The following GALNT9 variants were observed in gnomAD, a reference collection of about 807,000 sequenced individuals.
GALNT9 encodes GalNAc transferase 9.
In GALNT9, 47 loss-of-function variants were observed where a neutral mutation model predicts 63.1. The ratio of observed to expected loss-of-function variants is 0.75; its 90% CI spans 0.59 to 0.95. The LOEUF (loss-of-function observed/expected upper bound fraction) is 0.95. Among genes scored for constraint, GALNT9 ranks in the 40% least tolerant of loss-of-function variants. The probability of loss-of-function intolerance (pLI) is 0.00; values close to 1 mark genes in which losing one functional copy is unlikely to be tolerated. For synonymous variants in GALNT9, 396 were observed against 365.7 expected (o/e 1.08, Z -0.94); for missense variants, 829 against 874.8 (o/e 0.95, Z 0.66).
intron 1 of GALNT9, among the ~76,000 whole-genome samples, chr12:132,308,887 G>A (rs1442446487): frequency 4.0e-5 from 6 of 151,400 alleles, no homozygotes; most frequent in Non-Finnish European, 7.4e-5. Context: ...CGGGATGGCC[G>A]CACTCACGCC....
rs1878961405 is a variant in GALNT9 at position 132,252,506 on chromosome 12, G to A, written c.960-4479C>T. ...GTGTTCTCCCCGTGTGCAGAGACAA[G>A]AGATTGTCAGAAATAAAGACACAAG... On this transcript the variant is annotated intron_variant, in intron 5 of 10. Transcript: ENST00000328957. The surrounding 1 kb of genome is among the most constrained non-coding windows in gnomAD (Gnocchi z 5.2). Among the ~76,000 whole-genome samples, 1 of 152,208 alleles carries A rather than the reference G, an allele frequency of 6.6e-6. No homozygotes were observed. Among genetic ancestry groups the A allele is most frequent in the African/African-American group, 2.4e-5 (1 of 41,454 alleles).
At chr12:132,230,603 G>C (rs1877854172) in intron 6 of GALNT9, among the ~76,000 whole-genome samples, 1 of 149,562 alleles carries the variant, frequency 6.7e-6, no homozygotes, top group South Asian at 2.1e-4. Flanking sequence ...GGCCCTCGTG[G>C]CGGGGAAGTC....
At chr12:132,228,174 A>G (rs1877764754) in intron 6 of GALNT9, among the ~76,000 whole-genome samples, 1 of 152,026 alleles carries the variant, frequency 6.6e-6, no homozygotes. Context: ...ACAGGGCTTC[A>G]GTCTCTCTCC....
At position 132,265,647 on chromosome 12, in the gene GALNT9, G is replaced by A. The variant is rs1305029852; in HGVS notation, c.420-3022C>T. The stretch of plus-strand genomic sequence containing the variant: ...CCAGCCGACAGCCGGATGCTTACAA[G>A]TTCCTGATGCCCGGTACAGGCCCGG... On this transcript the variant is annotated intron_variant, in intron 2 of 10. Transcript: ENST00000328957. The surrounding 1 kb of genome is among the most constrained non-coding windows in gnomAD (Gnocchi z 5.3). Among the ~76,000 whole-genome samples, 1 of 152,162 alleles carries A rather than the reference G, an allele frequency of 6.6e-6. No individual in the cohort carries two copies. Among genetic ancestry groups the A allele is most frequent in the Non-Finnish European group, 1.5e-5 (1 of 68,032 alleles).
chr12:132,212,144 A>AG (rs1876980615), intron 6 of GALNT9, among the ~76,000 whole-genome samples: 6 of 121,118 alleles, frequency 5.0e-5, no homozygotes, highest in East Asian at 2.6e-4. Flanking sequence ...ACCCGGGTCT[A>AG]CAGCCTTCAC....
Position 132,286,237 on chromosome 12 carries a change from G to GTCAC in GALNT9, c.419+9_419+12dup. The GTCAC allele has an allele frequency of 6.5e-7, 1 of 1,545,174 alleles. No individual in the cohort carries two copies. Among genetic ancestry groups the GTCAC allele is most frequent in the Non-Finnish European group, 8.8e-7 (1 of 1,142,830 alleles). ...GGCGGGCGTCGGGGGATGGGGGGCAGTCACTCACTCACTTTCTGGGCCGGT... is the reference window on the plus strand; with the variant it reads ...GGCGGGCGTCGGGGGATGGGGGGCAGTCACTCACTCACTCACTTTCTGGGCCGGT... On this transcript the variant is annotated intron_variant, in intron 2 of 10. Transcript: ENST00000328957. The surrounding 1 kb of genome is among the most constrained non-coding windows in gnomAD (Gnocchi z 7.4).
At chr12:132,200,283 C>T (rs1166934163) in intron 8 of GALNT9, among the ~76,000 whole-genome samples, 1 of 152,184 alleles carries the variant, frequency 6.6e-6, no homozygotes, top group Non-Finnish European at 1.5e-5. Context: ...GGCACCCCAT[C>T]CCCTGCACAG....
chr12:132,305,006 T>C (rs146077714), intron 1 of GALNT9, among the ~76,000 whole-genome samples: 312 of 2,954 alleles, frequency 0.11, no homozygotes, highest in Admixed American at 0.12. Context: ...CCCGGGCACA[T>C]CCTCACCGGG....
chr12:132,239,133 G>C (rs1265572076), intron 6 of GALNT9, among the ~76,000 whole-genome samples: 1 of 151,934 alleles, frequency 6.6e-6, no homozygotes, highest in Admixed American at 6.6e-5. Context: ...TCTTCATGTG[G>C]GGGTGGGGGC....
At chr12:132,214,754 C>G (rs1877115814) in intron 6 of GALNT9, among the ~76,000 whole-genome samples, 1 of 152,218 alleles carries the variant, frequency 6.6e-6, no homozygotes, top group African/African-American at 2.4e-5. Flanking sequence ...AACCATCTCA[C>G]CAATGGCCAT....
intron 10 of GALNT9, among the ~76,000 whole-genome samples, chr12:132,197,576 C>T (rs944337262): frequency 6.6e-6 from 1 of 152,330 alleles, no homozygotes; most frequent in African/African-American, 2.4e-5. Flanking sequence ...TCCAGCCCGA[C>T]CCCTCTCTGG....
intron 1 of GALNT9, among the ~76,000 whole-genome samples, chr12:132,328,363 A>G (rs1869134140): frequency 1.3e-5 from 2 of 152,204 alleles, no homozygotes; most frequent in East Asian, 3.9e-4. Flanking sequence ...CCTCAACTCC[A>G]TCCTCCCAGG....
At chr12:132,280,534 C>A (rs1408864977) in intron 2 of GALNT9, 1 of 152,244 alleles carries the variant, frequency 6.6e-6, no homozygotes, top group Non-Finnish European at 1.5e-5. Context: ...CTTCTGAGAG[C>A]GGTTAGGGGA....
rs371504074 is a variant in GALNT9, at chr12:132,199,211, C to T, written c.1460G>A (p.Arg487Gln). 2.4e-5 allele frequency: 38 copies of T among 1,603,776 alleles called. No individual in the cohort carries two copies. Among genetic ancestry groups the T allele is most frequent in the Middle Eastern group, 1.6e-4 (1 of 6,082 alleles). Residue 487 changes from arginine to glutamine, a missense_variant, in exon 9 of 11, where the codon CGG becomes CAG. Arg to Gln is a conservative substitution (Grantham distance 43, BLOSUM62 1). Coordinates refer to ENST00000328957, the MANE Select transcript of GALNT9 (RefSeq NM_001122636.2). ...CLDQGAEDGD[R>Q]AILYPCHGMS... is the part of the protein sequence containing the mutation. The stretch of plus-strand genomic sequence containing the variant: ...CCCGTGGCAGGGGTAGAGGATCGCC[C>T]GGTCGCCGTCCTCCGCTCCCTGGTC...
intron 2 of GALNT9, among the ~76,000 whole-genome samples, chr12:132,263,753 C>T (rs1474994658): frequency 6.6e-6 from 1 of 152,216 alleles, no homozygotes; most frequent in East Asian, 1.9e-4. Flanking sequence ...AATGAGGGGA[C>T]AAATGAAGAC....
At position 132,311,383 on chromosome 12, in the gene GALNT9, C is replaced by T. The variant is rs144179045; in HGVS notation, c.238+17583G>A. Among the ~76,000 whole-genome samples the T allele has an allele frequency of 5.6e-4, 86 of 152,216 alleles. 1 individual carries two copies. The highest frequency in any genetic ancestry group is 1.8e-3 in the African/African-American group (76 of 41,530). ...AGCAACCATCAAGGCCTGAACTCGG[C>T]GTTAGAGGAGCAGCACGGGCAGGGG... On this transcript the variant is annotated intron_variant, in intron 1 of 10. Coordinates refer to ENST00000328957, the MANE Select transcript of GALNT9 (RefSeq NM_001122636.2).
chr12:132,225,636 CCA>C (rs1224439964), intron 6 of GALNT9, among the ~76,000 whole-genome samples: 34 of 149,322 alleles, frequency 2.3e-4, no homozygotes, highest in Non-Finnish European at 3.1e-4. Flanking sequence ...AACCCACACC[CCA>C]CACACTGTAT....
chr12:132,296,053 T>TGAACAGGGAGAGGCTCCG lies in GALNT9; in HGVS notation c.239-9641_239-9624dup, dbSNP rs1881062097. Among the ~76,000 whole-genome samples the TGAACAGGGAGAGGCTCCG allele has an allele frequency of 7.5e-6, 1 of 133,078 alleles. No homozygotes were observed. Among genetic ancestry groups the TGAACAGGGAGAGGCTCCG allele is most frequent in the African/African-American group, 2.9e-5 (1 of 33,926 alleles). The allele number at this position is 133,078 out of a possible 152,430, so 87.3% of individuals were successfully genotyped here. ...GAGCCTCCAGAACAGGGAGAGCCTC[T>TGAACAGGGAGAGGCTCCG]GAACAGGGAGAGGCTCCGGAACAGG... On this transcript the variant is annotated intron_variant, in intron 1 of 10. Transcript: ENST00000328957. The surrounding 1 kb of genome is among the most constrained non-coding windows in gnomAD (Gnocchi z 4.2).
chr12:132,307,289 C>T (rs755812785), intron 1 of GALNT9, among the ~76,000 whole-genome samples: 2 of 152,148 alleles, frequency 1.3e-5, no homozygotes, highest in Non-Finnish European at 1.5e-5. Context: ...AGTGGATTCA[C>T]ATTTTGGAAG....
Sources: gnomAD v4.1 joint callset for allele counts (sites outside exome capture counted in the v4.1 genomes callset) on GRCh38, gnomAD v4.1.1 for gene constraint, Gnocchi (gnomAD v3.1) non-coding constraint, MANE v1.5 for transcripts, NCBI Gene and HGNC (gene_info 2026-07-23, HGNC 2026-07-21) for gene names.